The following DLGAP1 variants were observed in gnomAD, a reference collection of about 807,000 sequenced individuals.
The protein encoded by DLGAP1 is DLG associated protein 1.
A neutral mutation model predicts 90.8 loss-of-function variants in DLGAP1; 11 were observed. That is an observed-to-expected ratio of 0.12 (90% CI 0.08 to 0.20). The LOEUF is 0.20. Among genes scored for constraint, DLGAP1 ranks in the 10% least tolerant of loss-of-function variants. The pLI, the probability that DLGAP1 is intolerant of heterozygous loss-of-function variation, is 1.00. For missense variants in DLGAP1, 1,050 were observed against 1,333.8 expected (o/e 0.79, Z 3.31); for synonymous variants, 558 against 540.7 (o/e 1.03, Z -0.44).
intron 1 of DLGAP1, among the ~76,000 whole-genome samples, chr18:4,402,017 G>C (rs537304857): frequency 6.6e-6 from 1 of 152,268 alleles, no homozygotes; most frequent in East Asian, 1.9e-4. Flanking sequence ...CACACTGAGG[G>C]GACACAGACA....
intron 1 of DLGAP1, among the ~76,000 whole-genome samples, chr18:4,338,903 G>A (rs929335886): frequency 1.4e-4 from 22 of 152,004 alleles, no homozygotes; most frequent in East Asian, 1.2e-3. Flanking sequence ...TCAAAAATAC[G>A]TTATTTGCTC....
chr18:3,794,811 C>T (rs1003665363), intron 5 of DLGAP1, among the ~76,000 whole-genome samples: 2 of 152,204 alleles, frequency 1.3e-5, no homozygotes, highest in Non-Finnish European at 1.5e-5. Flanking sequence ...TGCCAGTTCT[C>T]AGCACATAGG....
At chr18:3,807,852 GT>G (rs1331275359) in intron 5 of DLGAP1, among the ~76,000 whole-genome samples, 3 of 152,182 alleles carry the variant, frequency 2.0e-5, no homozygotes, top group Non-Finnish European at 4.4e-5. Flanking sequence ...CACACAAGGA[GT>G]TCTCTCCTCT....
rs910235601 is a variant in DLGAP1 at position 4,015,359 on chromosome 18, GAA to G, written c.-158-10160_-158-10159del. ...ATCTGAGCCTAGTTTTGTCCAAGCA[GAA>G]AAGAGTTCTATGATGGATCCACACA... is the stretch of plus-strand genomic sequence containing the variant. On this transcript the variant is annotated intron_variant, in intron 2 of 12. Transcript: ENST00000315677. Among the ~76,000 whole-genome samples the G allele has an allele frequency of 1.6e-4, 25 of 152,214 alleles. No homozygotes were observed. The South Asian group carries it at 2.1e-3, about 13-fold the overall frequency.
intron 4 of DLGAP1, among the ~76,000 whole-genome samples, chr18:3,848,644 G>A (rs2069159348): frequency 6.6e-6 from 1 of 152,094 alleles, no homozygotes; most frequent in African/African-American, 2.4e-5. Context: ...TGGAACAACT[G>A]TCTTCTACGC....
intron 7 of DLGAP1, among the ~76,000 whole-genome samples, chr18:3,587,387 G>A (rs2055950693): frequency 6.6e-6 from 1 of 152,164 alleles, no homozygotes; most frequent in Non-Finnish European, 1.5e-5. Flanking sequence ...TGGACTTCCT[G>A]GGTCGAGTGG....
chr18:3,800,370 T>C (rs1054890133), intron 5 of DLGAP1, among the ~76,000 whole-genome samples: 1 of 152,236 alleles, frequency 6.6e-6, no homozygotes, highest in Non-Finnish European at 1.5e-5. Context: ...TCCATTCCTT[T>C]GCATAAAGAA....
At chr18:3,798,798 T>C (rs1384301776) in intron 5 of DLGAP1, among the ~76,000 whole-genome samples, 4 of 152,238 alleles carry the variant, frequency 2.6e-5, no homozygotes, top group Admixed American at 2.6e-4. Context: ...TATTTAATAA[T>C]AGATAATTAG....
At chr18:3,740,257 T>G (rs1310484561) in intron 6 of DLGAP1, among the ~76,000 whole-genome samples, 4 of 152,122 alleles carry the variant, frequency 2.6e-5, no homozygotes, top group African/African-American at 9.7e-5. Flanking sequence ...CTCCAAAAAG[T>G]TTTAAATGTT....
chr18:3,887,750 C>T (rs910441233), intron 3 of DLGAP1, among the ~76,000 whole-genome samples: 12 of 151,844 alleles, frequency 7.9e-5, no homozygotes, highest in African/African-American at 2.2e-4. Flanking sequence ...TAAATTATTA[C>T]TTTTTAAAAT....
chr18:4,399,205 G>C (rs183024997), intron 1 of DLGAP1, among the ~76,000 whole-genome samples: 3 of 152,252 alleles, frequency 2.0e-5, no homozygotes, highest in Admixed American at 2.0e-4. Context: ...TCAATGTCAA[G>C]TTGTTAAAAA....
chr18:3,553,365 G>A (rs143234609), intron 9 of DLGAP1, among the ~76,000 whole-genome samples: 1 of 152,218 alleles, frequency 6.6e-6, no homozygotes, highest in African/African-American at 2.4e-5. Flanking sequence ...CATGGTTAAT[G>A]GATAGGATTA....
intron 1 of DLGAP1, among the ~76,000 whole-genome samples, chr18:4,195,338 G>A (rs930174360): frequency 2.6e-5 from 4 of 152,024 alleles, no homozygotes; most frequent in Non-Finnish European, 5.9e-5. Flanking sequence ...GAAACAATAC[G>A]CATCTTTCAC....
chr18:3,636,320 A>G (rs2058712031), intron 7 of DLGAP1, among the ~76,000 whole-genome samples: 1 of 151,604 alleles, frequency 6.6e-6, no homozygotes, highest in African/African-American at 2.4e-5. Context: ...TCCCCAAGAG[A>G]TAAGAACCCA....
chr18:3,666,803 C>G (rs2059900018), intron 7 of DLGAP1, among the ~76,000 whole-genome samples: 1 of 152,164 alleles, frequency 6.6e-6, no homozygotes, highest in Non-Finnish European at 1.5e-5. Context: ...GTCATTCAAG[C>G]TGCAGTGCAG....
In DLGAP1 at chr18:3,582,129, T is replaced by G. The variant is rs2055560560; in HGVS notation, c.1711A>C (p.Met571Leu). 8 of 1,614,034 alleles carry G rather than the reference T, an allele frequency of 5.0e-6. No individual in the cohort carries two copies. The Middle Eastern group carries it at 6.6e-4, about 133-fold the overall frequency. Residue 571 changes from methionine (M) to leucine (L), a missense_variant, in exon 8 of 13, where the codon ATG becomes CTG. Around this residue, in one of 2 missense-constraint regions of DLGAP1, gnomAD observed 565 missense variants for 879.7 expected, o/e 0.64. Coordinates refer to ENST00000315677, the MANE Select transcript of DLGAP1 (RefSeq NM_004746.4). ...TCTCCTCGCTGGCCCTGTCCGTCCATGTAGGCATCCTGGGCTGACTCTGTG... is the reference window on the plus strand; with the variant it reads ...TCTCCTCGCTGGCCCTGTCCGTCCAGGTAGGCATCCTGGGCTGACTCTGTG... ...SSTESAQDAYMDGQGQRGDII... is the reference protein window; with the variant it reads ...SSTESAQDAYLDGQGQRGDII...
At chr18:3,880,722 C>T (rs1043730717) in intron 3 of DLGAP1, among the ~76,000 whole-genome samples, 1 of 151,990 alleles carries the variant, frequency 6.6e-6, no homozygotes, top group South Asian at 2.1e-4. Flanking sequence ...GAGGGCGGAT[C>T]ACCTGAGGTC....
chr18:4,078,436 A>G (rs1043755232), intron 2 of DLGAP1, among the ~76,000 whole-genome samples: 7 of 152,192 alleles, frequency 4.6e-5, no homozygotes, highest in African/African-American at 1.7e-4. Context: ...ATCTCCGGCG[A>G]GGGACCTAGG....
intron 7 of DLGAP1, chr18:3,607,502 A>G (rs1940215904): frequency 6.6e-6 from 1 of 152,190 alleles, no homozygotes; most frequent in African/African-American, 2.4e-5. Context: ...ATTACCACAT[A>G]AAAAAGGAAT....
Sources: gnomAD v4.1 joint callset for allele counts (sites outside exome capture counted in the v4.1 genomes callset) on GRCh38, gnomAD v4.1.1 for gene constraint, gnomAD v4.1.1 regional missense constraint, MANE v1.5 for transcripts, NCBI Gene and HGNC (gene_info 2026-07-23, HGNC 2026-07-21) for gene names.